The following LRRC45 variants were observed in gnomAD, a reference collection of about 807,000 sequenced individuals.
LRRC45 encodes leucine rich repeat containing 45.
Under a neutral mutation model 85.4 loss-of-function variants are expected in LRRC45, and 73 were observed. The ratio of observed to expected loss-of-function variants is 0.85; its 90% CI spans 0.71 to 1.04. The LOEUF (loss-of-function observed/expected upper bound fraction) is 1.04, where lower values mean the gene tolerates loss of function less well. Ranked by LOEUF, LRRC45 falls within the 50% of genes least tolerant of loss-of-function variation. The probability of loss-of-function intolerance (pLI) is 0.00; values close to 1 mark genes in which losing one functional copy is unlikely to be tolerated. For synonymous variants in LRRC45, 429 were observed against 386.0 expected (o/e 1.11, Z -1.31); for missense variants, 937 against 883.3 (o/e 1.06, Z -0.77).
chr17:82,030,040 T>G, intron 14 of LRRC45, 25 bp from the exon 15 acceptor site: 3 of 1,532,542 alleles, frequency 2.0e-6, no homozygotes, highest in Non-Finnish European at 2.6e-6. Context: ...CCCCTCATGC[T>G]TCGTGGCGGC....
At position 82,029,456 on chromosome 17, in the gene LRRC45, CT is replaced by C. The variant is rs1365848888; in HGVS notation, c.1402-86del. The C allele has an allele frequency of 2.8e-6, 4 of 1,425,164 alleles. No individual in the cohort carries two copies. The Admixed American group carries it at 6.0e-5, about 21-fold the overall frequency. The allele number at this position is 1,425,164 out of a possible 1,614,324, so 88.3% of individuals were successfully genotyped here. A position where few individuals can be genotyped will look rare whatever the true frequency, so the allele number is the denominator to read the frequency against. ...AGGAGGCTGGCAGAGAGGAGCCCCC[CT>C]GGCTGGGGTTGGCTGGATGGGCCAG... On this transcript the variant is annotated intron_variant, in intron 13 of 16. Coordinates refer to ENST00000306688, the MANE Select transcript of LRRC45 (RefSeq NM_144999.4).
Position 82,030,352 on chromosome 17 carries a change from G to A in LRRC45, c.1702G>A (p.Glu568Lys), listed in dbSNP as rs1231210405. ...LSLKDQERVA[E>K]VSRVRVELQE... ...CCTCAAGGACCAGGAAAGGGTGGCCGAGGTGAGCAGGGTGCGCGTGGAGCT... is the reference window on the plus strand; with the variant it reads ...CCTCAAGGACCAGGAAAGGGTGGCCAAGGTGAGCAGGGTGCGCGTGGAGCT... Residue 568 changes from glutamate to lysine, a missense_variant, in exon 16 of 17, where the codon GAG becomes AAG. Coordinates refer to ENST00000306688, the MANE Select transcript of LRRC45 (RefSeq NM_144999.4). 6.5e-7 allele frequency: 1 copy of A among 1,549,838 alleles called. No homozygotes were observed. The highest frequency in any genetic ancestry group is 8.7e-7 in the Non-Finnish European group (1 of 1,146,728).
intron 1 of LRRC45, chr17:82,024,068 G>C: frequency 1.4e-6 from 1 of 721,018 alleles, no homozygotes; most frequent in Non-Finnish European, 2.2e-6. Context: ...GTCTTACCTG[G>C]TTCCCCGCGT....
In LRRC45 at chr17:82,025,436, C is replaced by T. The variant is rs770236468; in HGVS notation, c.590C>T (p.Pro197Leu). The T allele has an allele frequency of 2.5e-6, 4 of 1,608,810 alleles. No homozygotes were observed. Among genetic ancestry groups the T allele is most frequent in the Admixed American group, 1.7e-5 (1 of 59,580 alleles). Residue 197 changes from proline (P) to leucine (L), a missense_variant, in exon 5 of 17, where the codon CCC (proline) becomes CTC (leucine). Transcript: ENST00000306688. The part of the protein sequence containing the change: ...LGGRALMNCL[P>L]SNRTLWRLDL... Reference sequence around the variant, plus strand: ...GGCCGGGCCCTCATGAACTGTCTCCCCAGCAACAGAACCCTGTGGAGACTG... The same window carrying T: ...GGCCGGGCCCTCATGAACTGTCTCCTCAGCAACAGAACCCTGTGGAGACTG...
At chr17:82,027,886 C>T (rs2043382374) in intron 8 of LRRC45, 125 bp from the exon 9 acceptor site, 1 of 1,513,456 alleles carries the variant, frequency 6.6e-7, no homozygotes, top group Non-Finnish European at 8.9e-7. Flanking sequence ...ACCCAGAAGC[C>T]TTCCTGGAGG....
At chr17:82,029,458 G>C in intron 13 of LRRC45, 85 bp from the exon 14 acceptor site, 2 of 1,427,956 alleles carry the variant, frequency 1.4e-6, no homozygotes, top group Non-Finnish European at 1.9e-6. Flanking sequence ...GAGCCCCCCT[G>C]GCTGGGGTTG....
At chr17:82,028,711 C>T in intron 12 of LRRC45, 28 bp downstream of exon 12, 1 of 1,596,288 alleles carries the variant, frequency 6.3e-7, no homozygotes, top group African/African-American at 1.3e-5. Flanking sequence ...CTCTAATGCG[C>T]CTCAGTCTCT....
At position 82,027,632 on chromosome 17, in the gene LRRC45, TG is replaced by T. The variant is rs573437236; in HGVS notation, c.834-38del. The stretch of plus-strand genomic sequence containing the variant: ...AGGCCAGAGGGGTATGGGAGCGCTC[TG>T]GGGTTTGGGTTACTCTCTGCACCCT... On this transcript the variant is annotated intron_variant, in intron 7 of 16. Coordinates refer to ENST00000306688, the MANE Select transcript of LRRC45 (RefSeq NM_144999.4). The T allele has an allele frequency of 1.9e-6, 3 of 1,595,996 alleles. No homozygotes were observed. In the East Asian group the frequency reaches 6.7e-5, roughly 36 times the overall value.
chr17:82,028,627 GA>G lies in LRRC45; in HGVS notation c.1253del (p.Glu418GlyfsTer23), dbSNP rs757423544. On this transcript the variant is annotated frameshift_variant, in exon 12 of 17. Coordinates refer to ENST00000306688, the MANE Select transcript of LRRC45 (RefSeq NM_144999.4). LOFTEE classifies it high-confidence loss of function. ...AIQAEERLDM[E>X]KRRCRQSLED... ...TGGGCTTCCAGAGCGCCTGGACATG[GA>G]GAAGAGAAGATGCAGACAGAGCCTG... The G allele has an allele frequency of 9.9e-6, 16 of 1,612,882 alleles. No homozygotes were observed. The highest frequency in any genetic ancestry group is 1.4e-5 in the Non-Finnish European group (16 of 1,179,932).
In LRRC45 at chr17:82,028,026, G is replaced by A. The variant is rs200171991; in HGVS notation, c.927G>A (p.Glu309=). ...CTTTCTGCAGGCTGCAGATGACAGA[G>A]GCCGCCCTGGCTCTGTCGGAGCAGA... ...NALKAKLQMT[E]AALALSEQKA... is the part of the protein sequence containing the mutation. The change falls in exon 9 of 17, where the codon GAG becomes GAA. Residue 309 remains glutamate, a synonymous_variant. Transcript: ENST00000306688. 1.2e-4 allele frequency: 193 copies of A among 1,605,212 alleles called. 1 individual carries two copies. In the East Asian group the frequency reaches 4.2e-3, roughly 35 times the overall value.
rs770236468 is a variant in LRRC45 at position 82,025,436 on chromosome 17, C to A, written c.590C>A (p.Pro197His). The stretch of plus-strand genomic sequence containing the variant: ...GGCCGGGCCCTCATGAACTGTCTCC[C>A]CAGCAACAGAACCCTGTGGAGACTG... ...LGGRALMNCL[P>H]SNRTLWRLDL... The change falls in exon 5 of 17, where the codon CCC becomes CAC. Residue 197 changes from proline (P) to histidine (H), a missense_variant. Physicochemically the swap from Pro to His is moderately conservative, Grantham distance 77 (BLOSUM62 -2). Transcript: ENST00000306688. 6.2e-7 allele frequency: 1 copy of A among 1,608,928 alleles called. No individual in the cohort carries two copies. Among genetic ancestry groups the A allele is most frequent in the Non-Finnish European group, 8.5e-7 (1 of 1,177,784 alleles).
Position 82,030,854 on chromosome 17 carries a change from C to G in LRRC45, c.*49C>G. 7.9e-7 allele frequency: 1 copy of G among 1,262,928 alleles called. No individual in the cohort carries two copies. The highest frequency in any genetic ancestry group is 1.0e-6 in the Non-Finnish European group (1 of 981,194). The allele number at this position is 1,262,928 out of a possible 1,614,324, so 78.2% of individuals were successfully genotyped here. On this transcript the variant is annotated 3_prime_UTR_variant, in exon 17 of 17. Transcript: ENST00000306688. ...CAGTAGGAGTGCATCAGGCGGCGCC[C>G]GAGATGGACCAGGGGCTGCGTCCCG...
chr17:82,026,049 G>A (rs1029148770), intron 5 of LRRC45, among the ~76,000 whole-genome samples: 1 of 152,134 alleles, frequency 6.6e-6, no homozygotes, highest in Admixed American at 6.5e-5. Flanking sequence ...TCCCTAATCC[G>A]CGCACAGCGG....
In LRRC45 at chr17:82,028,133, A is replaced by C; in HGVS notation, c.1034A>C (p.Lys345Thr). 2 of 1,567,860 alleles carry C rather than the reference A, an allele frequency of 1.3e-6. No homozygotes were observed. Among genetic ancestry groups the C allele is most frequent in the Non-Finnish European group, 1.7e-6 (2 of 1,157,126 alleles). ...TCACAGAGGCAGGCCAAGGAGCTCA[A>C]GCTGGAGCAGCAGGTGGGTGGGCAG... is the stretch of plus-strand genomic sequence containing the variant. ...SLSQRQAKEL[K>T]LEQQEAAERE... The change falls in exon 9 of 17, where the codon AAG (lysine) becomes ACG (threonine). Residue 345 changes from lysine to threonine, a missense_variant. Lys to Thr is a moderately conservative substitution (Grantham distance 78, BLOSUM62 -1). Coordinates refer to ENST00000306688, the MANE Select transcript of LRRC45 (RefSeq NM_144999.4).
chr17:82,027,317 TC>T (rs1428709385), intron 6 of LRRC45, 68 bp from the exon 7 acceptor site: 1 of 1,578,452 alleles, frequency 6.3e-7, no homozygotes, highest in Non-Finnish European at 8.7e-7. Flanking sequence ...TGGCTCTCCT[TC>T]CCCCTGAGAA....
chr17:82,025,541 G>C, intron 5 of LRRC45, 34 bp downstream of exon 5: 1 of 1,501,802 alleles, frequency 6.7e-7, no homozygotes, highest in Middle Eastern at 1.8e-4. Context: ...TGACGCGTGA[G>C]CCTTTGACAG....
At position 82,030,609 on chromosome 17, in the gene LRRC45, T is replaced by TTTTAAG; in HGVS notation, c.1817_1818insTTTAAG (p.Val606_Met607insLeuArg). On this transcript the variant is annotated inframe_insertion and splice_region_variant, in exon 17 of 17. Transcript: ENST00000306688. ...GCTCACTGCGCTCCTTGCCCTGCAGTGATGGCGAGCGACCACCGAGAGGCG... is the reference window on the plus strand; with the variant it reads ...GCTCACTGCGCTCCTTGCCCTGCAGTTTTAAGGATGGCGAGCGACCACCGAGAGGCG... The TTTTAAG allele has an allele frequency of 7.7e-7, 1 of 1,291,712 alleles. No individual in the cohort carries two copies. The highest frequency in any genetic ancestry group is 9.7e-7 in the Non-Finnish European group (1 of 1,027,250). The allele number at this position is 1,291,712 out of a possible 1,614,324, so 80.0% of individuals were successfully genotyped here. A position where few individuals can be genotyped will look rare whatever the true frequency, so the allele number is the denominator to read the frequency against.
In LRRC45 at chr17:82,028,414, G is replaced by C; in HGVS notation, c.1143G>C (p.Arg381=). Residue 381 remains arginine (R), a synonymous_variant, in exon 11 of 17, where the codon CGG becomes CGC. Coordinates refer to ENST00000306688, the MANE Select transcript of LRRC45 (RefSeq NM_144999.4). ...LLQNQVDELE[R]KFRCQQEQLF... ...GCTTTCAGGTAGACGAGTTGGAGCG[G>C]AAGTTCAGGTGTCAGCAGGAGCAGC... 6.2e-7 allele frequency: 1 copy of C among 1,612,738 alleles called. No individual in the cohort carries two copies. Among genetic ancestry groups the C allele is most frequent in the Non-Finnish European group, 8.5e-7 (1 of 1,179,966 alleles).
chr17:82,026,933 C>T lies in LRRC45; in HGVS notation c.696C>T (p.Thr232=), dbSNP rs762689620. The T allele has an allele frequency of 1.8e-5, 29 of 1,607,994 alleles. No individual in the cohort carries two copies. Among genetic ancestry groups the T allele is most frequent in the Non-Finnish European group, 2.4e-5 (28 of 1,178,942 alleles). ...TGGGCCACAGCCAGGACCGGCTCAC[C>T]ACCTTCCAGGAGAACCAAGCCCGCA... ...QAMGHSQDRL[T]TFQENQARTH... The change falls in exon 6 of 17, where the codon ACC becomes ACT. Residue 232 remains threonine, a synonymous_variant. Coordinates refer to ENST00000306688, the MANE Select transcript of LRRC45 (RefSeq NM_144999.4).
Sources: allele counts gnomAD v4.1 joint callset (sites outside exome capture counted in the v4.1 genomes callset), GRCh38; gene constraint gnomAD v4.1.1; transcripts MANE v1.5; gene names NCBI Gene and HGNC (gene_info 2026-07-23, HGNC 2026-07-21).